Variants in ACMSD observed in about 807,000 individuals in gnomAD.
ACMSD encodes the protein 2-amino-3-carboxymuconate-6-semialdehyde decarboxylase.
A neutral mutation model predicts 45.9 loss-of-function variants in ACMSD; 37 were observed. That is an observed-to-expected ratio of 0.81 (90% CI 0.62 to 1.06). ACMSD has a LOEUF of 1.06. Among genes scored for constraint, ACMSD ranks in the 50% least tolerant of loss-of-function variants. ACMSD has a pLI of 0.00. For synonymous variants in ACMSD, 138 were observed against 148.8 expected (o/e 0.93, Z 0.53); for missense variants, 434 against 420.9 (o/e 1.03, Z -0.27).
At position 134,861,222 on chromosome 2, in the gene ACMSD, G is replaced by A. The variant is rs540047822; in HGVS notation, c.200-747G>A. On this transcript the variant is annotated intron_variant, in intron 3 of 9. Transcript: ENST00000356140. ...CTACAGCAAAGAGCAAGGTTTTGTA[G>A]TAAATGTGAAGCTGCAGCAAGGACC... is the stretch of plus-strand genomic sequence containing the variant. Among the ~76,000 whole-genome samples the A allele has an allele frequency of 1.1e-4, 17 of 152,264 alleles. No homozygotes were observed. In the South Asian group the frequency reaches 3.3e-3, roughly 30 times the overall value.
In ACMSD at chr2:134,847,475, T is replaced by G. The variant is rs372410850; in HGVS notation, c.102+2198T>G. On this transcript the variant is annotated intron_variant, in intron 2 of 9. Transcript: ENST00000356140. ...ATAGATAGAGATAGAGATAGATATATATACTTTAAGTTCTGGGATCCATGT... is the reference window on the plus strand; with the variant it reads ...ATAGATAGAGATAGAGATAGATATAGATACTTTAAGTTCTGGGATCCATGT... 3.9e-5 allele frequency among the ~76,000 whole-genome samples: 6 copies of G among 152,084 alleles called. No homozygotes were observed. The East Asian group carries it at 1.2e-3, about 29-fold the overall frequency.
At chr2:134,878,166 C>G (rs1317188140) in intron 8 of ACMSD, among the ~76,000 whole-genome samples, 1 of 152,156 alleles carries the variant, frequency 6.6e-6, no homozygotes, top group African/African-American at 2.4e-5. Context: ...AATGGCGAGA[C>G]AAGCATAGGA....
intron 2 of ACMSD, among the ~76,000 whole-genome samples, chr2:134,851,495 G>C (rs1390597952): frequency 1.3e-5 from 2 of 151,908 alleles, no homozygotes; most frequent in African/African-American, 4.8e-5. Flanking sequence ...CCAGGCTGGA[G>C]TGCAGTGGTG....
At chr2:134,842,114 T>C (rs186712704) in intron 1 of ACMSD, among the ~76,000 whole-genome samples, 68 of 152,332 alleles carry the variant, frequency 4.5e-4, no homozygotes, top group African/African-American at 1.6e-3. Flanking sequence ...TGCTCATAAA[T>C]GCTGTGAGAC....
intron 1 of ACMSD, among the ~76,000 whole-genome samples, chr2:134,844,174 G>A (rs1007717813): frequency 7.9e-5 from 12 of 152,146 alleles, no homozygotes; most frequent in East Asian, 3.8e-4. Flanking sequence ...GTTTTCAGGC[G>A]GTGGCTTTCC....
At chr2:134,872,447 C>G in intron 7 of ACMSD, 22 bp from the exon 8 acceptor site, 3 of 1,613,986 alleles carry the variant, frequency 1.9e-6, no homozygotes, top group Non-Finnish European at 2.5e-6. Flanking sequence ...ACTAGCCCCT[C>G]AGTAATGGGT....
intron 2 of ACMSD, among the ~76,000 whole-genome samples, chr2:134,851,203 G>T (rs572376976): frequency 1.3e-5 from 2 of 152,166 alleles, no homozygotes; most frequent in African/African-American, 4.8e-5. Flanking sequence ...TCTTTATCCA[G>T]TTCATCGTTA....
rs1573704052 is a variant in ACMSD at position 134,885,303 on chromosome 2, TTAAATATA to T, written c.849+12665_849+12672del. Among the ~76,000 whole-genome samples, 10 of 102,570 alleles carry T rather than the reference TTAAATATA, an allele frequency of 9.7e-5. No individual in the cohort carries two copies. In the East Asian group the frequency reaches 1.2e-3, roughly 12 times the overall value. The allele number at this position is 102,570 out of a possible 152,430, so 67.3% of individuals were successfully genotyped here. On this transcript the variant is annotated intron_variant, in intron 8 of 9. Transcript: ENST00000356140. ...TTATATATTATATTTATATATATAT[TTAAATATA>T]TATATATAAATATATATGTAAATAT...
chr2:134,869,688 G>A lies in ACMSD; in HGVS notation c.581-1277G>A, dbSNP rs1449096735. Among the ~76,000 whole-genome samples the A allele has an allele frequency of 2.7e-5, 4 of 150,610 alleles. No individual in the cohort carries two copies. In the East Asian group the frequency reaches 7.8e-4, roughly 30 times the overall value. Reference sequence around the variant, plus strand: ...CATGGAGCTTATATTCTGGTTAGAGGAAAGAGATTATAAACAAGTATATAT... The same window carrying A: ...CATGGAGCTTATATTCTGGTTAGAGAAAAGAGATTATAAACAAGTATATAT... On this transcript the variant is annotated intron_variant, in intron 6 of 9. Coordinates refer to ENST00000356140, the MANE Select transcript of ACMSD (RefSeq NM_138326.3).
chr2:134,843,314 T>C (rs1302442518), intron 1 of ACMSD, among the ~76,000 whole-genome samples: 2 of 152,168 alleles, frequency 1.3e-5, no homozygotes, highest in African/African-American at 2.4e-5. Context: ...CCGGTTCTGC[T>C]GATGTCACTG....
intron 9 of ACMSD, 33 bp downstream of exon 9, chr2:134,898,472 T>C (rs756400281): frequency 4.1e-6 from 6 of 1,471,228 alleles, no homozygotes; most frequent in Non-Finnish European, 5.5e-6. Flanking sequence ...GCTTTCTTAC[T>C]GACTTTTCCT....
intron 4 of ACMSD, among the ~76,000 whole-genome samples, chr2:134,862,461 T>C (rs1455909744): frequency 6.6e-6 from 1 of 152,172 alleles, no homozygotes; most frequent in African/African-American, 2.4e-5. Flanking sequence ...GGGATGCCCT[T>C]TCCCAAGTGA....
intron 1 of ACMSD, among the ~76,000 whole-genome samples, chr2:134,840,180 A>AAAAAAAAAAAAAAC (rs1686726631): frequency 7.1e-6 from 1 of 140,042 alleles, no homozygotes; most frequent in South Asian, 2.7e-4. Context: ...AAAAAAAAAA[A>AAAAAAAAAAAAAAC]AAAAAAAAAA....
intron 9 of ACMSD, among the ~76,000 whole-genome samples, chr2:134,900,305 C>A (rs1690423372): frequency 6.6e-6 from 1 of 152,118 alleles, no homozygotes; most frequent in Non-Finnish European, 1.5e-5. Flanking sequence ...CTCTCTCCAG[C>A]CCAAGATGTG....
In ACMSD at chr2:134,894,706, C is replaced by G. The variant is rs145688059; in HGVS notation, c.850-3635C>G. Among the ~76,000 whole-genome samples, 555 of 152,202 alleles carry G rather than the reference C, an allele frequency of 3.6e-3. 7 individuals carry two copies. The highest frequency in any genetic ancestry group is 0.013 in the African/African-American group (527 of 41,534). On this transcript the variant is annotated intron_variant, in intron 8 of 9. Transcript: ENST00000356140. ...CTGAAAGGCTCTATTCTCATCACTTCTATTCAACATTGTACTGGAGGCTCT... is the reference window on the plus strand; with the variant it reads ...CTGAAAGGCTCTATTCTCATCACTTGTATTCAACATTGTACTGGAGGCTCT...
intron 8 of ACMSD, among the ~76,000 whole-genome samples, chr2:134,874,525 G>A (rs983648221): frequency 6.6e-6 from 1 of 152,182 alleles, no homozygotes; most frequent in Non-Finnish European, 1.5e-5. Flanking sequence ...TGAGCAAGAG[G>A]ACAAAATGCC....
At chr2:134,897,086 T>C (rs1690197346) in intron 8 of ACMSD, among the ~76,000 whole-genome samples, 3 of 152,224 alleles carry the variant, frequency 2.0e-5, no homozygotes, top group African/African-American at 4.8e-5. Flanking sequence ...CTTATGAATA[T>C]ACTAAAACCC....
At chr2:134,869,217 T>C (rs1688292488) in intron 6 of ACMSD, among the ~76,000 whole-genome samples, 1 of 151,748 alleles carries the variant, frequency 6.6e-6, no homozygotes, top group Non-Finnish European at 1.5e-5. Context: ...TTTATTTATT[T>C]ATTTATTTAT....
intron 4 of ACMSD, 142 bp downstream of exon 4, chr2:134,862,160 T>C (rs928100597): frequency 3.4e-6 from 3 of 894,642 alleles, no homozygotes; most frequent in Non-Finnish European, 5.7e-6. Context: ...ATCAGCAGGG[T>C]CCCCTCTCAG....
Sources: allele counts gnomAD v4.1 joint callset (sites outside exome capture counted in the v4.1 genomes callset), GRCh38; gene constraint gnomAD v4.1.1; transcripts MANE v1.5; gene names NCBI Gene and HGNC (gene_info 2026-07-23, HGNC 2026-07-21).